The following CDC123 variants were observed in gnomAD, a reference collection of about 807,000 sequenced individuals.
The protein encoded by CDC123 is cell division cycle 123.
A neutral mutation model predicts 54.4 loss-of-function variants in CDC123; 37 were observed. The ratio of observed to expected loss-of-function variants is 0.68; its 90% CI spans 0.52 to 0.89. The LOEUF is 0.89. CDC123 is among the 40% of genes least tolerant of loss of function. CDC123 has a pLI of 0.00. For synonymous variants in CDC123, 144 were observed against 136.8 expected (o/e 1.05, Z -0.37); for missense variants, 361 against 412.1 (o/e 0.88, Z 1.07).
chr10:12,242,116 A>G (rs1373570045), intron 10 of CDC123, among the ~76,000 whole-genome samples: 2 of 152,178 alleles, frequency 1.3e-5, no homozygotes, highest in African/African-American at 2.4e-5. Flanking sequence ...GCCCTCACAT[A>G]TCTCACACTC....
chr10:12,239,852 C>T (rs1045648233), intron 10 of CDC123, among the ~76,000 whole-genome samples: 4 of 151,456 alleles, frequency 2.6e-5, no homozygotes, highest in African/African-American at 9.7e-5. Context: ...ACTAAAAATA[C>T]AAAAAATTAG....
chr10:12,244,025 G>T (rs1248704333), intron 10 of CDC123, among the ~76,000 whole-genome samples: 1 of 152,160 alleles, frequency 6.6e-6, no homozygotes, highest in African/African-American at 2.4e-5. Context: ...CTCTCCTGGG[G>T]CTTGTATAAA....
rs2131758674 is a variant in CDC123, at chr10:12,235,136, TTG to T, written c.565+15_565+16del. On this transcript the variant is annotated intron_variant, in intron 8 of 12. Transcript: ENST00000281141. ...AACAAGCTTATTGGTGAGTTTTTGT[TTG>T]TTTGTTTGTTTTATCCTTCAAAGTC... 1 of 1,598,436 alleles carries T rather than the reference TTG, an allele frequency of 6.3e-7. No individual in the cohort carries two copies. The highest frequency in any genetic ancestry group is 1.4e-5 in the African/African-American group (1 of 71,788).
intron 2 of CDC123, among the ~76,000 whole-genome samples, chr10:12,201,012 T>C (rs1390684291): frequency 1.3e-5 from 2 of 152,226 alleles, no homozygotes; most frequent in African/African-American, 4.8e-5. Flanking sequence ...CCCTGCCCTT[T>C]TGGAGTTGAC....
At chr10:12,227,172 G>A (rs1835833379) in intron 6 of CDC123, among the ~76,000 whole-genome samples, 1 of 152,006 alleles carries the variant, frequency 6.6e-6, no homozygotes, top group South Asian at 2.1e-4. Flanking sequence ...AGGAGAATCA[G>A]GCAGGGAGGT....
chr10:12,229,633 A>G (rs954423824), intron 6 of CDC123, among the ~76,000 whole-genome samples: 4 of 152,196 alleles, frequency 2.6e-5, no homozygotes, highest in African/African-American at 7.2e-5. Flanking sequence ...TGTTTTTAAA[A>G]TTGTGTCTAT....
chr10:12,244,786 G>A (rs1836107863), intron 10 of CDC123: 1 of 151,904 alleles, frequency 6.6e-6, no homozygotes, highest in Non-Finnish European at 1.5e-5. Flanking sequence ...AAGGTGGGAG[G>A]ACATTTGAGG....
At position 12,196,292 on chromosome 10, in the gene CDC123, C is replaced by G. The variant is rs1312610274; in HGVS notation, c.47C>G (p.Pro16Arg). The change falls in exon 1 of 13, where the codon CCG (proline) becomes CGG (arginine). Residue 16 changes from proline (P) to arginine (R), a missense_variant. By Grantham distance (103) the Pro-to-Arg change is moderately radical. Coordinates refer to ENST00000281141, the MANE Select transcript of CDC123 (RefSeq NM_006023.3). Reference protein sequence around the residue: ...VLHCQFSAWYPFFRGVTIKSV... With the variant: ...VLHCQFSAWYRFFRGVTIKSV... ...CACTGCCAGTTCTCCGCGTGGTACC[C>G]GTTCTTCCGAGGCGTTACCATCAAG... is the stretch of plus-strand genomic sequence containing the variant. 1.2e-6 allele frequency: 2 copies of G among 1,613,782 alleles called. No individual in the cohort carries two copies. The highest frequency in any genetic ancestry group is 1.7e-6 in the Non-Finnish European group (2 of 1,179,842).
chr10:12,203,813 A>G lies in CDC123; in HGVS notation c.146+5037A>G, dbSNP rs113435403. 8.2e-3 allele frequency among the ~76,000 whole-genome samples: 1,252 copies of G among 152,238 alleles called. 16 individuals carry two copies. Among genetic ancestry groups the G allele is most frequent in the African/African-American group, 0.028 (1,176 of 41,550 alleles). The stretch of plus-strand genomic sequence containing the variant: ...AAAATGTTTTTGAATAAAAGCATCA[A>G]CCAGCTGTGGTGGCTCATGCCTGTA... On this transcript the variant is annotated intron_variant, in intron 2 of 12. Transcript: ENST00000281141.
chr10:12,236,956 C>T (rs574563929), intron 8 of CDC123, among the ~76,000 whole-genome samples, 188 bp from the exon 9 acceptor site: 1 of 152,256 alleles, frequency 6.6e-6, no homozygotes, highest in South Asian at 2.1e-4. Context: ...GAAGACATGG[C>T]AATGTAGGAC....
chr10:12,244,555 G>A (rs907940733), intron 10 of CDC123, among the ~76,000 whole-genome samples: 36 of 151,982 alleles, frequency 2.4e-4, no homozygotes, highest in East Asian at 1.9e-4. Flanking sequence ...CTTTCCCTGA[G>A]GAGAGTCACC....
chr10:12,197,671 C>T (rs1347425429), intron 1 of CDC123, among the ~76,000 whole-genome samples: 1 of 150,968 alleles, frequency 6.6e-6, no homozygotes, highest in East Asian at 2.0e-4. Context: ...GCCACCGCGC[C>T]CGGCCAGAAC....
rs887320669 is a variant in CDC123 at position 12,235,057 on chromosome 10, C to T, written c.499C>T (p.Arg167Ter). The stretch of plus-strand genomic sequence containing the variant: ...TTTCTTTTGTTTACAGCTCGTTCTC[C>T]GAAAATGGTGTGAATTGATTCCTGG... The part of the protein sequence containing the change: ...DPCIEYELVL[R>*]KWCELIPGAE... The change falls in exon 8 of 13, where the codon CGA becomes TGA. Residue 167 changes from arginine to a stop codon, truncating the protein, a stop_gained. Coordinates refer to ENST00000281141, the MANE Select transcript of CDC123 (RefSeq NM_006023.3). LOFTEE classifies it high-confidence loss of function. 5 of 1,613,244 alleles carry T rather than the reference C, an allele frequency of 3.1e-6. No individual in the cohort carries two copies. Among genetic ancestry groups the T allele is most frequent in the African/African-American group, 1.3e-5 (1 of 74,854 alleles).
intron 2 of CDC123, among the ~76,000 whole-genome samples, chr10:12,204,730 G>C (rs964079230): frequency 4.3e-4 from 65 of 152,114 alleles, no homozygotes; most frequent in African/African-American, 1.5e-3. Context: ...TGTGGCTCAT[G>C]CCTGTAATTC....
At chr10:12,227,149 G>A (rs1161566056) in intron 6 of CDC123, among the ~76,000 whole-genome samples, 6 of 152,072 alleles carry the variant, frequency 3.9e-5, no homozygotes, top group Non-Finnish European at 7.4e-5. Flanking sequence ...CCAGGCACTC[G>A]GCAGGCTGAA....
At chr10:12,243,719 G>A (rs527677758) in intron 10 of CDC123, among the ~76,000 whole-genome samples, 126 of 151,974 alleles carry the variant, frequency 8.3e-4, no homozygotes, top group African/African-American at 2.8e-3. Flanking sequence ...GGGAGGCGGA[G>A]GTTGTAGTGA....
At chr10:12,231,463 A>T (rs532004628) in intron 7 of CDC123, among the ~76,000 whole-genome samples, 1 of 152,006 alleles carries the variant, frequency 6.6e-6, no homozygotes, top group Non-Finnish European at 1.5e-5. Context: ...CATCTCTACT[A>T]AAAATACAAA....
intron 4 of CDC123, among the ~76,000 whole-genome samples, chr10:12,214,621 G>C (rs186968767): frequency 1.1e-4 from 17 of 152,284 alleles, no homozygotes; most frequent in Non-Finnish European, 2.2e-4. Context: ...GCTCAAAGCT[G>C]TTTCTTGTTT....
At chr10:12,221,970 C>T (rs1835743450) in intron 6 of CDC123, among the ~76,000 whole-genome samples, 1 of 152,142 alleles carries the variant, frequency 6.6e-6, no homozygotes, top group Non-Finnish European at 1.5e-5. Context: ...TTAGATGAAA[C>T]ACAGGTTCCT....
Sources: gnomAD v4.1 joint callset for allele counts (sites outside exome capture counted in the v4.1 genomes callset) on GRCh38, gnomAD v4.1.1 for gene constraint, MANE v1.5 for transcripts, NCBI Gene and HGNC (gene_info 2026-07-23, HGNC 2026-07-21) for gene names.